DHPS: variants seen among roughly 807,000 people sequenced by gnomAD.
The protein encoded by DHPS is migration-inducing gene 13.
A neutral mutation model predicts 38.7 loss-of-function variants in DHPS; 24 were observed. The observed-to-expected ratio is 0.62, with a 90% confidence interval of 0.45 to 0.87. DHPS has a LOEUF of 0.87. DHPS is among the 40% of genes least tolerant of loss of function. DHPS has a pLI of 0.00. For synonymous variants in DHPS, 250 were observed against 204.4 expected, an observed-to-expected ratio of 1.22 and a Z score of -1.90; for missense variants, 510 against 497.6, an observed-to-expected ratio of 1.02 and a Z score of -0.24.
intron 5 of DHPS, 35 bp from the exon 6 acceptor site, chr19:12,677,431 C>G: frequency 1.3e-6 from 2 of 1,574,602 alleles, no homozygotes; most frequent in Non-Finnish European, 1.7e-6. Context: ...GGCTGGAGCT[C>G]AGAGCCTCGT....
At position 12,676,174 on chromosome 19, in the gene DHPS, T is replaced by G. The variant is rs754886695; in HGVS notation, c.889-32A>C. On this transcript the variant is annotated intron_variant, in intron 7 of 8. Transcript: ENST00000210060. ...GGAGGCGGGGGCACGGTGGGCCCAG[T>G]CAGCCAGTCACAGGAGACAGACACA... The G allele has an allele frequency of 5.1e-6, 8 of 1,565,880 alleles. No individual in the cohort carries two copies. In the Admixed American group the frequency reaches 1.4e-4, roughly 28 times the overall value.
In DHPS at chr19:12,681,771, C is replaced by T; in HGVS notation, c.-5G>A. The T allele has an allele frequency of 1.2e-6, 2 of 1,605,060 alleles. No homozygotes were observed. Among genetic ancestry groups the T allele is most frequent in the Non-Finnish European group, 8.5e-7 (1 of 1,179,222 alleles). On this transcript the variant is annotated 5_prime_UTR_variant, in exon 1 of 9. Coordinates refer to ENST00000210060, the MANE Select transcript of DHPS (RefSeq NM_001930.4). ...CCGTTCCAGGGAACCTTCCATGCGC[C>T]TATAGCCGGCTCTCGAGTCAAAGCT... is the stretch of plus-strand genomic sequence containing the variant.
intron 1 of DHPS, chr19:12,681,301 G>C: frequency 8.0e-7 from 1 of 1,244,876 alleles, no homozygotes; most frequent in Non-Finnish European, 1.1e-6. Flanking sequence ...AGCTTTAAAT[G>C]TACCTAGAAC....
rs1168649203 is a variant in DHPS at position 12,681,738 on chromosome 19, G to A, written c.29C>T (p.Pro10Leu). 1 of 1,611,824 alleles carries A rather than the reference G, an allele frequency of 6.2e-7. No homozygotes were observed. The highest frequency in any genetic ancestry group is 2.2e-5 in the East Asian group (1 of 44,890). ...TAGCACGGCGGCCAGCGCCCCCGCT[G>A]GCGCCTCCCGTTCCAGGGAACCTTC... MEGSLEREAPAGALAAVLKH... is the reference protein window; with the variant it reads MEGSLEREALAGALAAVLKH... The change falls in exon 1 of 9, where the codon CCA becomes CTA. Residue 10 changes from proline to leucine, a missense_variant. Transcript: ENST00000210060.
intron 1 of DHPS, chr19:12,681,069 T>A (rs1413242862): frequency 8.4e-7 from 1 of 1,192,536 alleles, no homozygotes; most frequent in South Asian, 1.3e-5. Context: ...CCTCTTCTCT[T>A]GATCCACCCG....
chr19:12,674,454 G>A (rs553290246), downstream of DHPS, among the ~76,000 whole-genome samples: 1 of 152,148 alleles, frequency 6.6e-6, no homozygotes, highest in African/African-American at 2.4e-5. Flanking sequence ...AACCGGGGGG[G>A]CCCTGAAGAC....
chr19:12,679,932 C>G lies in DHPS; in HGVS notation c.373-10G>C. 6.2e-7 allele frequency: 1 copy of G among 1,608,970 alleles called. No individual in the cohort carries two copies. Among genetic ancestry groups the G allele is most frequent in the Non-Finnish European group, 8.5e-7 (1 of 1,177,162 alleles). On this transcript the variant is annotated splice_polypyrimidine_tract_variant and intron_variant, in intron 2 of 8. Coordinates refer to ENST00000210060, the MANE Select transcript of DHPS (RefSeq NM_001930.4). ...TCACCAATACGTCCACCTGCAGCCA[C>G]AAGGCAGTGAATTTGGCCCAAGAAG...
At chr19:12,677,761 G>A (rs769243371) in intron 5 of DHPS, among the ~76,000 whole-genome samples, 2 of 151,888 alleles carry the variant, frequency 1.3e-5, no homozygotes, top group African/African-American at 2.4e-5. Context: ...TCAGCCTCCC[G>A]AGTAGCTAGG....
chr19:12,675,213 G>A (rs182850718), downstream of DHPS, among the ~76,000 whole-genome samples: 9 of 152,292 alleles, frequency 5.9e-5, no homozygotes, highest in African/African-American at 1.9e-4. Flanking sequence ...GATCACTTGA[G>A]GCCAGGAGTT....
downstream of DHPS, chr19:12,675,533 C>T (rs1242043440): frequency 2.5e-6 from 4 of 1,605,046 alleles, no homozygotes; most frequent in Non-Finnish European, 3.4e-6. Flanking sequence ...GGTGCGCTGG[C>T]TCTGGCCCTG....
downstream of DHPS, chr19:12,673,410 CTTTTTTTTTTTTTTTT>C (rs58676851): frequency 4.5e-6 from 1 of 220,352 alleles, no homozygotes; most frequent in Admixed American, 6.7e-5. Context: ...AGGCTAGGAT[CTTTTTTTTTTTTTTTT>C]TTTTTTTTTT....
In DHPS at chr19:12,681,777, C is replaced by T. The variant is rs369375567; in HGVS notation, c.-11G>A. 1.7e-4 allele frequency: 268 copies of T among 1,603,626 alleles called. No individual in the cohort carries two copies. In the Middle Eastern group the frequency reaches 1.7e-3, roughly 10 times the overall value. ...CAGGGAACCTTCCATGCGCCTATAG[C>T]CGGCTCTCGAGTCAAAGCTGCCCCT... On this transcript the variant is annotated 5_prime_UTR_variant, in exon 1 of 9. Coordinates refer to ENST00000210060, the MANE Select transcript of DHPS (RefSeq NM_001930.4).
downstream of DHPS, chr19:12,672,888 G>A (rs370864929): frequency 9.4e-5 from 150 of 1,597,462 alleles, no homozygotes; most frequent in Non-Finnish European, 1.2e-4. Flanking sequence ...CTAAGGATGG[G>A]GCAGCTCTTC....
At chr19:12,680,418 C>G in intron 1 of DHPS, 93 bp from the exon 2 acceptor site, 1 of 1,390,078 alleles carries the variant, frequency 7.2e-7, no homozygotes, top group East Asian at 2.3e-5. Flanking sequence ...CACCCCAGGC[C>G]CTGCACATTC....
In DHPS at chr19:12,677,781, G is replaced by T. The variant is rs139372547; in HGVS notation, c.679-385C>A. Reference sequence around the variant, plus strand: ...CTCCCGAGTAGCTAGGATTACAGGCGCATGCCACTATGCCCAGCTAATTTT... The same window carrying T: ...CTCCCGAGTAGCTAGGATTACAGGCTCATGCCACTATGCCCAGCTAATTTT... On this transcript the variant is annotated intron_variant, in intron 5 of 8. Coordinates refer to ENST00000210060, the MANE Select transcript of DHPS (RefSeq NM_001930.4). Among the ~76,000 whole-genome samples the T allele has an allele frequency of 7.4e-3, 1,124 of 152,046 alleles. 7 individuals carry two copies. Among genetic ancestry groups the T allele is most frequent in the Non-Finnish European group, 0.013 (894 of 67,962 alleles).
intron 5 of DHPS, 41 bp downstream of exon 5, chr19:12,679,416 A>G (rs1224055406): frequency 1.3e-6 from 2 of 1,577,904 alleles, no homozygotes; most frequent in South Asian, 1.1e-5. Flanking sequence ...AAGTTAACAC[A>G]TGCCAAAGTC....
chr19:12,677,218 G>A lies in DHPS; in HGVS notation c.785-7C>T. 6.2e-7 allele frequency: 1 copy of A among 1,614,164 alleles called. No individual in the cohort carries two copies. Among genetic ancestry groups the A allele is most frequent in the Non-Finnish European group, 8.5e-7 (1 of 1,179,988 alleles). Reference sequence around the variant, plus strand: ...GTGTTGATGAGCCTCAGGTCTGGGGGAAGAGCGCCGAAGTCAGGCCTTGGA... The same window carrying A: ...GTGTTGATGAGCCTCAGGTCTGGGGAAAGAGCGCCGAAGTCAGGCCTTGGA... On this transcript the variant is annotated splice_polypyrimidine_tract_variant and splice_region_variant and intron_variant, in intron 6 of 8. Transcript: ENST00000210060.
At chr19:12,680,690 T>C (rs941305641) in intron 1 of DHPS, among the ~76,000 whole-genome samples, 10 of 150,476 alleles carry the variant, frequency 6.6e-5, no homozygotes, top group African/African-American at 2.5e-4. Flanking sequence ...CGCACCACCA[T>C]GCCCGGCTAA....
In DHPS at chr19:12,675,763, A is replaced by G. The variant is rs2024558179; in HGVS notation, c.*75T>C. On this transcript the variant is annotated 3_prime_UTR_variant, in exon 9 of 9. Transcript: ENST00000210060. Reference sequence around the variant, plus strand: ...CTTATTCTAGAGACGTAGCTGACCAAAAAGTAGGGGAGGGGCTGGGTCTGC... The same window carrying G: ...CTTATTCTAGAGACGTAGCTGACCAGAAAGTAGGGGAGGGGCTGGGTCTGC... 6.4e-7 allele frequency: 1 copy of G among 1,567,534 alleles called. No individual in the cohort carries two copies. Among genetic ancestry groups the G allele is most frequent in the African/African-American group, 1.4e-5 (1 of 73,412 alleles).
Sources: allele counts gnomAD v4.1 joint callset (sites outside exome capture counted in the v4.1 genomes callset), GRCh38; gene constraint gnomAD v4.1.1; transcripts MANE v1.5; gene names NCBI Gene and HGNC (gene_info 2026-07-23, HGNC 2026-07-21).